CYFIP2: variants seen among roughly 807,000 people sequenced by gnomAD.
CYFIP2 encodes the protein cytoplasmic FMR1-interacting protein 2.
A neutral mutation model predicts 158.7 loss-of-function variants in CYFIP2; 29 were observed. That is an observed-to-expected ratio of 0.18 (90% CI 0.14 to 0.25). The LOEUF (loss-of-function observed/expected upper bound fraction) is 0.25. Ranked by LOEUF, CYFIP2 falls within the 10% of genes least tolerant of loss-of-function variation. CYFIP2 has a pLI of 1.00. For missense variants in CYFIP2, 852 were observed against 1,639.5 expected, an observed-to-expected ratio of 0.52 and a Z score of 8.29; for synonymous variants, 585 against 617.6, an observed-to-expected ratio of 0.95 and a Z score of 0.78.
At chr5:157,323,080 A>G in intron 15 of CYFIP2, 1 of 1,440,790 alleles carries the variant, frequency 6.9e-7, no homozygotes, top group Non-Finnish European at 9.4e-7. Flanking sequence ...GGAATGGACT[A>G]GCCTGGCTCC....
intron 1 of CYFIP2, chr5:157,269,341 C>T (rs1203791902): frequency 2.0e-5 from 3 of 151,966 alleles, no homozygotes; most frequent in African/African-American, 2.4e-5. Flanking sequence ...CATTTCAACA[C>T]GTAGAGTTAA....
intron 2 of CYFIP2, among the ~76,000 whole-genome samples, chr5:157,286,038 A>G (rs932121126): frequency 6.6e-6 from 1 of 152,232 alleles, no homozygotes; most frequent in Non-Finnish European, 1.5e-5. Context: ...AAGAAAGGAT[A>G]TGCTAATTTG....
intron 3 of CYFIP2, chr5:157,288,462 A>G (rs1362431541): frequency 2.7e-6 from 1 of 370,820 alleles, no homozygotes; most frequent in Non-Finnish European, 5.3e-6. Flanking sequence ...CTGCTCATTC[A>G]TTCAATAAGT....
chr5:157,383,838 A>G (rs984514774), intron 28 of CYFIP2, among the ~76,000 whole-genome samples: 4 of 152,258 alleles, frequency 2.6e-5, no homozygotes, highest in Non-Finnish European at 5.9e-5. Context: ...AGGTTATTGC[A>G]TATCACGTAT....
chr5:157,325,152 T>C (rs576987871), intron 16 of CYFIP2, among the ~76,000 whole-genome samples: 137 of 152,204 alleles, frequency 9.0e-4, no homozygotes, highest in Middle Eastern at 6.8e-3. Context: ...GAGCGTACTT[T>C]TCATGCTTAG....
chr5:157,271,203 A>C (rs1756062196), intron 1 of CYFIP2, among the ~76,000 whole-genome samples: 1 of 152,206 alleles, frequency 6.6e-6, no homozygotes, highest in Non-Finnish European at 1.5e-5. Context: ...GGCACAAAGG[A>C]AGAGTATCCT....
chr5:157,288,893 A>G (rs926441284), intron 3 of CYFIP2, among the ~76,000 whole-genome samples: 56 of 152,332 alleles, frequency 3.7e-4, no homozygotes, highest in African/African-American at 1.3e-3. Context: ...ACCTTGAGAG[A>G]GTCAGAGAAA....
At chr5:157,301,803 G>T (rs1400078548) in intron 6 of CYFIP2, among the ~76,000 whole-genome samples, 3 of 152,104 alleles carry the variant, frequency 2.0e-5, no homozygotes, top group Non-Finnish European at 4.4e-5. Flanking sequence ...GAAAGTGGGG[G>T]AGGAGTCATT....
intron 5 of CYFIP2, among the ~76,000 whole-genome samples, chr5:157,300,227 G>C (rs1027654055): frequency 1.3e-5 from 2 of 152,010 alleles, no homozygotes; most frequent in African/African-American, 4.8e-5. Flanking sequence ...CAGGTTCCAG[G>C]CTCCCCTCAA....
chr5:157,332,431 C>T (rs1055623126), intron 20 of CYFIP2, among the ~76,000 whole-genome samples: 1 of 152,074 alleles, frequency 6.6e-6, no homozygotes, highest in Non-Finnish European at 1.5e-5. Flanking sequence ...GTTTAAGTTG[C>T]CAAATCATGA....
chr5:157,379,115 G>GA (rs1765782341), intron 26 of CYFIP2, among the ~76,000 whole-genome samples: 1 of 151,962 alleles, frequency 6.6e-6, no homozygotes, highest in African/African-American at 2.4e-5. Context: ...TTCTTAATTA[G>GA]CAACTTTAGA....
At chr5:157,334,248 G>T (rs1761697211) in intron 21 of CYFIP2, among the ~76,000 whole-genome samples, 2 of 152,206 alleles carry the variant, frequency 1.3e-5, no homozygotes, top group South Asian at 4.1e-4. Flanking sequence ...AGGGTAGGTT[G>T]CCAGGGAAGA....
chr5:157,272,736 G>A (rs1469671936), intron 1 of CYFIP2, among the ~76,000 whole-genome samples: 1 of 152,198 alleles, frequency 6.6e-6, no homozygotes, highest in Non-Finnish European at 1.5e-5. Context: ...CAGGTTTAAA[G>A]TGTCTACATT....
chr5:157,387,527 T>G (rs772292028), intron 28 of CYFIP2, among the ~76,000 whole-genome samples: 5 of 152,244 alleles, frequency 3.3e-5, no homozygotes, highest in Non-Finnish European at 7.3e-5. Context: ...ATTCATGGCT[T>G]GAGAACAAAT....
chr5:157,358,411 A>G (rs935741796), intron 23 of CYFIP2, among the ~76,000 whole-genome samples: 2 of 152,190 alleles, frequency 1.3e-5, no homozygotes, highest in African/African-American at 4.8e-5. Context: ...AAAGTTGGGA[A>G]ACCACTGACT....
intron 24 of CYFIP2, 91 bp from the exon 25 acceptor site, chr5:157,360,191 C>T (rs1763710619): frequency 9.5e-7 from 1 of 1,047,272 alleles, no homozygotes; most frequent in Non-Finnish European, 1.4e-6. Context: ...TAGGCAAGAG[C>T]CTGCCCCATC....
At chr5:157,369,943 G>A (rs898197548) in intron 26 of CYFIP2, among the ~76,000 whole-genome samples, 8 of 148,198 alleles carry the variant, frequency 5.4e-5, no homozygotes, top group East Asian at 2.0e-4. Flanking sequence ...GTGCAGTGGC[G>A]TGATCTCGGC....
At chr5:157,322,006 T>C (rs1168066310) in intron 15 of CYFIP2, among the ~76,000 whole-genome samples, 1 of 152,076 alleles carries the variant, frequency 6.6e-6, no homozygotes, top group East Asian at 1.9e-4. Context: ...GGAGGGGACT[T>C]AACAGGCAGA....
At chr5:157,289,744 T>G (rs963996887) in intron 3 of CYFIP2, among the ~76,000 whole-genome samples, 3 of 152,230 alleles carry the variant, frequency 2.0e-5, no homozygotes, top group Non-Finnish European at 4.4e-5. Flanking sequence ...CCTGTGGGGT[T>G]AGGGCTTCAA....
Sources: allele counts gnomAD v4.1 joint callset (sites outside exome capture counted in the v4.1 genomes callset), GRCh38; gene constraint gnomAD v4.1.1; transcripts MANE v1.5; gene names NCBI Gene and HGNC (gene_info 2026-07-23, HGNC 2026-07-21).